The following LANCL2 variants were observed in gnomAD, a reference collection of about 807,000 sequenced individuals.
LANCL2 encodes lanC-like protein 2.
LANCL2 carries 33 observed loss-of-function variants against 56.9 expected under a neutral mutation model. The ratio of observed to expected loss-of-function variants is 0.58; its 90% CI spans 0.44 to 0.78. LANCL2 has a LOEUF of 0.78. Ranked by LOEUF, LANCL2 falls within the 30% of genes least tolerant of loss-of-function variation. LANCL2 has a pLI of 0.00. For missense variants in LANCL2, 562 were observed against 580.2 expected (o/e 0.97, Z 0.32); for synonymous variants, 233 against 228.2 (o/e 1.02, Z -0.19).
intron 1 of LANCL2, among the ~76,000 whole-genome samples, chr7:55,389,068 C>T (rs548268175): frequency 1.3e-3 from 199 of 152,254 alleles, no homozygotes; most frequent in Middle Eastern, 3.4e-3. Flanking sequence ...CTTTTCTTTG[C>T]CCTGTCCTCC....
rs1475451543 is a variant in LANCL2 at position 55,428,389 on chromosome 7, TCTA to T, written c.1201_1203del (p.Leu401del). On this transcript the variant is annotated inframe_deletion, in exon 8 of 9. Transcript: ENST00000254770. ...TTTCTTTTCAGTTTGCAGAGTGGTG[TCTA>T]GATTACGGAGCACACGGGTGCCGCA... 6.2e-7 allele frequency: 1 copy of T among 1,614,118 alleles called. No individual in the cohort carries two copies. The highest frequency in any genetic ancestry group is 1.7e-5 in the Admixed American group (1 of 60,026).
chr7:55,400,170 G>T lies in LANCL2; in HGVS notation c.678+66G>T, dbSNP rs571918126. The T allele has an allele frequency of 7.3e-5, 96 of 1,322,634 alleles. No individual in the cohort carries two copies. The African/African-American group carries it at 1.3e-3, about 18-fold the overall frequency. 81.9% of individuals were successfully genotyped at this position (1,322,634 alleles called of 1,614,324 possible). ...CAAACCTATTTGCTAGCATTGAGTT[G>T]TATTAACAGCTGGACTTTACTTCTA... On this transcript the variant is annotated intron_variant, in intron 4 of 8. Coordinates refer to ENST00000254770, the MANE Select transcript of LANCL2 (RefSeq NM_018697.4).
At chr7:55,416,063 G>C (rs971117595) in intron 6 of LANCL2, among the ~76,000 whole-genome samples, 1 of 152,148 alleles carries the variant, frequency 6.6e-6, no homozygotes, top group South Asian at 2.1e-4. Flanking sequence ...CGGAGGGTAG[G>C]TGTATGTTTA....
chr7:55,389,980 T>G (rs1790166855), intron 1 of LANCL2, among the ~76,000 whole-genome samples: 1 of 152,206 alleles, frequency 6.6e-6, no homozygotes, highest in Non-Finnish European at 1.5e-5. Context: ...CATCCAGGAT[T>G]GAGGAAACTT....
intron 1 of LANCL2, among the ~76,000 whole-genome samples, chr7:55,379,156 C>T (rs1436533346): frequency 1.3e-5 from 2 of 151,732 alleles, no homozygotes; most frequent in African/African-American, 4.8e-5. Flanking sequence ...TCTCAAAAAA[C>T]ACAAAACAAA....
At chr7:55,396,199 A>T (rs533981623) in intron 2 of LANCL2, among the ~76,000 whole-genome samples, 4 of 152,080 alleles carry the variant, frequency 2.6e-5, no homozygotes, top group African/African-American at 9.6e-5. Context: ...GGACCCAGTC[A>T]TAGGGGGCTC....
chr7:55,392,398 T>C (rs551309924), intron 2 of LANCL2, among the ~76,000 whole-genome samples: 2 of 151,332 alleles, frequency 1.3e-5, no homozygotes, highest in Middle Eastern at 3.4e-3. Context: ...TTGCCTGGGC[T>C]AGAGTACAGT....
chr7:55,377,075 C>G (rs1199523706), intron 1 of LANCL2, among the ~76,000 whole-genome samples: 1 of 152,096 alleles, frequency 6.6e-6, no homozygotes, highest in African/African-American at 2.4e-5. Flanking sequence ...CCTTTATCTT[C>G]AGTAACAGTT....
intron 2 of LANCL2, among the ~76,000 whole-genome samples, chr7:55,395,049 A>T (rs116099913): frequency 0.012 from 1,862 of 152,296 alleles, 37 homozygotes; most frequent in African/African-American, 0.043. Flanking sequence ...AGAGTCAGGA[A>T]ATCTGGCCAC....
intron 6 of LANCL2, among the ~76,000 whole-genome samples, chr7:55,424,002 T>A (rs1790635826): frequency 6.6e-6 from 1 of 152,156 alleles, no homozygotes; most frequent in African/African-American, 2.4e-5. Context: ...ACCTCCGCCT[T>A]TTTCCTGAGG....
rs1051338762 is a variant in LANCL2 at position 55,414,997 on chromosome 7, A to G, written c.1008+2908A>G. ...AGACCCTACCTCAAAAAAAAAAAAA[A>G]AAAAGAAAAGAAAAGAAAAAGGCAA... On this transcript the variant is annotated intron_variant, in intron 6 of 8. Transcript: ENST00000254770. 7.3e-5 allele frequency among the ~76,000 whole-genome samples: 10 copies of G among 136,914 alleles called. No homozygotes were observed. The East Asian group carries it at 8.3e-4, about 11-fold the overall frequency. The allele number at this position is 136,914 out of a possible 152,430, so 89.8% of individuals were successfully genotyped here.
intron 3 of LANCL2, among the ~76,000 whole-genome samples, chr7:55,399,274 AAAG>A (rs1276507927): frequency 2.9e-5 from 1 of 34,640 alleles, no homozygotes; most frequent in African/African-American, 3.0e-4. Flanking sequence ...CCCTGTCTCT[AAAG>A]AAAAAGAAAG....
chr7:55,381,251 G>A (rs1180982578), intron 1 of LANCL2, among the ~76,000 whole-genome samples: 1 of 152,174 alleles, frequency 6.6e-6, no homozygotes, highest in Non-Finnish European at 1.5e-5. Flanking sequence ...TTATCCTGGA[G>A]CTAAGTTTCA....
intron 6 of LANCL2, among the ~76,000 whole-genome samples, chr7:55,421,433 G>C (rs1203120435): frequency 1.3e-5 from 2 of 151,044 alleles, no homozygotes; most frequent in African/African-American, 4.9e-5. Context: ...CCGCCTCCTG[G>C]GTTCAAGCAA....
At chr7:55,409,203 C>T (rs1415652878) in intron 5 of LANCL2, among the ~76,000 whole-genome samples, 1 of 150,860 alleles carries the variant, frequency 6.6e-6, no homozygotes. Flanking sequence ...ATTCTCCTGC[C>T]TCAACTCCTG....
intron 5 of LANCL2, among the ~76,000 whole-genome samples, chr7:55,405,580 TC>T (rs1199490452): frequency 6.8e-6 from 1 of 147,326 alleles, no homozygotes; most frequent in Non-Finnish European, 1.5e-5. Context: ...AAACTCCATC[TC>T]CCGGGTTTAA....
intron 1 of LANCL2, among the ~76,000 whole-genome samples, chr7:55,391,332 G>A (rs568187651): frequency 6.6e-6 from 1 of 152,126 alleles, no homozygotes; most frequent in Admixed American, 6.5e-5. Flanking sequence ...CTTTTTTTGT[G>A]TATGCTTATC....
At chr7:55,366,355 A>C (rs1033442727) in intron 1 of LANCL2, 126 bp downstream of exon 1, 6 of 769,936 alleles carry the variant, frequency 7.8e-6, no homozygotes, top group Non-Finnish European at 1.2e-5. Context: ...GATAGCGCCT[A>C]GCACCTGTCT....
intron 8 of LANCL2, among the ~76,000 whole-genome samples, chr7:55,430,923 G>A (rs903001153): frequency 9.9e-5 from 15 of 152,222 alleles, no homozygotes; most frequent in Non-Finnish European, 2.1e-4. Context: ...TAGGAATATC[G>A]TAATTAGCAG....
Sources: allele counts gnomAD v4.1 joint callset (sites outside exome capture counted in the v4.1 genomes callset), GRCh38; gene constraint gnomAD v4.1.1; transcripts MANE v1.5; gene names NCBI Gene and HGNC (gene_info 2026-07-23, HGNC 2026-07-21).